ZBTB17: variants seen among roughly 807,000 people sequenced by gnomAD.
ZBTB17 encodes zinc finger and BTB domain containing 17.
In ZBTB17, 24 loss-of-function variants were observed where a neutral mutation model predicts 85.1. That is an observed-to-expected ratio of 0.28 (90% CI 0.20 to 0.40). The LOEUF is 0.40. Among genes scored for constraint, ZBTB17 ranks in the 10% least tolerant of loss-of-function variants. The pLI, the probability that ZBTB17 is intolerant of heterozygous loss-of-function variation, is 1.00. For synonymous variants in ZBTB17, 464 were observed against 460.2 expected (o/e 1.01, Z -0.11); for missense variants, 743 against 1,105.1 (o/e 0.67, Z 4.65).
chr1:15,945,262 G>A, intron 6 of ZBTB17, 60 bp from the exon 7 acceptor site: 1 of 1,529,984 alleles, frequency 6.5e-7, no homozygotes, highest in Non-Finnish European at 8.8e-7. Flanking sequence ...GCACGTGAGG[G>A]GCGCCGGCAA....
intron 2 of ZBTB17, among the ~76,000 whole-genome samples, chr1:15,950,558 C>A (rs1044232833): frequency 6.6e-6 from 1 of 152,210 alleles, no homozygotes; most frequent in African/African-American, 2.4e-5. Context: ...CCAGGGCCCA[C>A]ACAGGGCAAA....
chr1:15,950,789 G>A (rs1024470916), intron 2 of ZBTB17, among the ~76,000 whole-genome samples: 2 of 152,162 alleles, frequency 1.3e-5, no homozygotes, highest in Admixed American at 1.3e-4. Context: ...AGAGACATGT[G>A]AGGAGACTCC....
At chr1:15,956,221 C>G (rs761486682) in intron 2 of ZBTB17, among the ~76,000 whole-genome samples, 1 of 152,230 alleles carries the variant, frequency 6.6e-6, no homozygotes, top group Admixed American at 6.5e-5. Context: ...ACTGACACCA[C>G]CTTAAATGAC....
chr1:15,947,874 A>G (rs1180573108), intron 3 of ZBTB17, among the ~76,000 whole-genome samples: 5 of 152,144 alleles, frequency 3.3e-5, no homozygotes, highest in Non-Finnish European at 5.9e-5. Flanking sequence ...CACAACCCCA[A>G]GGTCTTCCTG....
In ZBTB17 at chr1:15,966,494, T is replaced by C. The variant is rs1270938028; in HGVS notation, c.-3+6545A>G. ...CTCTGTCCACACTGCTGTTTAGATA[T>C]GAGTGAACAACTCTCAGTTCTAACC... On this transcript the variant is annotated intron_variant, in intron 2 of 15. Transcript: ENST00000375743. The surrounding 1 kb of genome is among the most constrained non-coding windows in gnomAD (Gnocchi z 4.1). Among the ~76,000 whole-genome samples the C allele has an allele frequency of 6.6e-6, 1 of 152,182 alleles. No homozygotes were observed. The highest frequency in any genetic ancestry group is 1.5e-5 in the Non-Finnish European group (1 of 68,044).
chr1:15,956,837 G>A lies in ZBTB17; in HGVS notation c.-2-8340C>T, dbSNP rs2148788913. Among the ~76,000 whole-genome samples the A allele has an allele frequency of 1.3e-5, 2 of 152,334 alleles. 1 individual carries two copies. Among genetic ancestry groups the A allele is most frequent in the South Asian group, 4.1e-4 (2 of 4,834 alleles). On this transcript the variant is annotated intron_variant, in intron 2 of 15. Coordinates refer to ENST00000375743, the MANE Select transcript of ZBTB17 (RefSeq NM_003443.3). ...AATGGCAGCTACCAAGTGCTGTGGA[G>A]AAACTAAAGCAAGCTGAGCAGATCG...
Position 15,946,961 on chromosome 1 carries a change from C to T in ZBTB17, c.368G>A (p.Gly123Glu), listed in dbSNP as rs752674552. ...TTCTGTGGCCAAGGCCTCCGCATTT[C>T]CCCCAGGGCTGGTAGCCGGCTCAGC... ...SLAEPATSPG[G>E]NAEALATEGG... The change falls in exon 4 of 16, where the codon GGA becomes GAA. Residue 123 changes from glycine to glutamate, a missense_variant. Physicochemically the swap from Gly to Glu is moderately conservative, Grantham distance 98. Transcript: ENST00000375743. 5.0e-6 allele frequency: 8 copies of T among 1,612,370 alleles called. No individual in the cohort carries two copies. Among genetic ancestry groups the T allele is most frequent in the South Asian group, 3.3e-5 (3 of 91,050 alleles).
chr1:15,958,326 G>A (rs1404967010), intron 2 of ZBTB17, among the ~76,000 whole-genome samples: 5 of 151,692 alleles, frequency 3.3e-5, no homozygotes, highest in Admixed American at 1.3e-4. Flanking sequence ...GGGAGCACAG[G>A]GCCCCTGTCA....
At chr1:15,971,398 C>CTA (rs1199370291) in intron 2 of ZBTB17, among the ~76,000 whole-genome samples, 2 of 146,358 alleles carry the variant, frequency 1.4e-5, no homozygotes, top group Admixed American at 6.9e-5. Context: ...TATATACACA[C>CTA]TATATATATA....
At chr1:15,950,050 C>A (rs1379965677) in intron 2 of ZBTB17, among the ~76,000 whole-genome samples, 4 of 152,258 alleles carry the variant, frequency 2.6e-5, no homozygotes, top group African/African-American at 9.6e-5. Context: ...AATGACATTC[C>A]TAAATGGCTG....
chr1:15,967,463 G>A (rs1238605731), intron 2 of ZBTB17, among the ~76,000 whole-genome samples: 1 of 151,490 alleles, frequency 6.6e-6, no homozygotes, highest in African/African-American at 2.4e-5. Flanking sequence ...TGGATTGCTT[G>A]CGCCCAGGAG....
At position 15,966,822 on chromosome 1, in the gene ZBTB17, C is replaced by T. The variant is rs1467019151; in HGVS notation, c.-3+6217G>A. On this transcript the variant is annotated intron_variant, in intron 2 of 15. Transcript: ENST00000375743. This position sits in a 1 kb window ranked among gnomAD's most constrained non-coding sequence, Gnocchi z 4.1. ...CCACGGGAGGCTGAGGTGGGAGGAT[C>T]GCTTGAGCCCTGGAGGTCGAGGCTG... 2.6e-5 allele frequency among the ~76,000 whole-genome samples: 4 copies of T among 151,954 alleles called. No homozygotes were observed. Among genetic ancestry groups the T allele is most frequent in the African/African-American group, 9.7e-5 (4 of 41,366 alleles).
At chr1:15,967,444 T>A (rs1402962215) in intron 2 of ZBTB17, among the ~76,000 whole-genome samples, 1 of 141,000 alleles carries the variant, frequency 7.1e-6, no homozygotes, top group East Asian at 2.2e-4. Context: ...TTTGGAAGGC[T>A]GAGATAGATG....
chr1:15,944,731 G>A lies in ZBTB17; in HGVS notation c.1036C>T (p.Pro346Ser). ...TTCTCATGGGCCTTGCACGCGGCCG[G>A]GTCGGAAAAGGCCTTGCTGCACTCC... ...CRECSKAFSD[P>S]AACKAHEKTH... The change falls in exon 8 of 16, where the codon CCG becomes TCG. Residue 346 changes from proline to serine, a missense_variant. By Grantham distance (74) the Pro-to-Ser change is moderately conservative (BLOSUM62 -1). This residue lies in a region of ZBTB17 where 321 missense variants were observed against 615.7 expected (regional missense o/e 0.52). Transcript: ENST00000375743. The A allele has an allele frequency of 1.2e-6, 2 of 1,611,642 alleles. No individual in the cohort carries two copies. Among genetic ancestry groups the A allele is most frequent in the Non-Finnish European group, 1.7e-6 (2 of 1,179,888 alleles).
rs1557799815 is a variant in ZBTB17 at position 15,971,483 on chromosome 1, TACACACACTATATATATATACAC to T, written c.-3+1533_-3+1555del. Among the ~76,000 whole-genome samples, 138 of 85,902 alleles carry T rather than the reference TACACACACTATATATATATACAC, an allele frequency of 1.6e-3. 2 individuals are homozygous for T. The highest frequency in any genetic ancestry group is 6.8e-3 in the African/African-American group (131 of 19,348). The allele number at this position is 85,902 out of a possible 152,430, so 56.4% of individuals were successfully genotyped here. ...TATATATACACACACACTATATATATACACACACTATATATATATACACACACACTATATATATACACACACAC... is the reference window on the plus strand; with the variant it reads ...TATATATACACACACACTATATATATACACACTATATATATACACACACAC... On this transcript the variant is annotated intron_variant, in intron 2 of 15. Coordinates refer to ENST00000375743, the MANE Select transcript of ZBTB17 (RefSeq NM_003443.3).
chr1:15,945,341 G>C (rs2071553822), intron 6 of ZBTB17, 139 bp from the exon 7 acceptor site: 1 of 1,431,130 alleles, frequency 7.0e-7, no homozygotes, highest in Non-Finnish European at 9.2e-7. Flanking sequence ...CTGTGAACTG[G>C]GTATTTGCTG....
At chr1:15,962,982 G>A (rs1259869568) in intron 2 of ZBTB17, among the ~76,000 whole-genome samples, 2 of 152,126 alleles carry the variant, frequency 1.3e-5, no homozygotes, top group Non-Finnish European at 2.9e-5. Flanking sequence ...CAAATCCAAG[G>A]CTGGGCACAG....
chr1:15,946,798 G>C, intron 4 of ZBTB17, 137 bp downstream of exon 4: 1 of 1,146,566 alleles, frequency 8.7e-7, no homozygotes, highest in Non-Finnish European at 1.2e-6. Context: ...CCTCAGACCT[G>C]AGGCTAACCC....
At chr1:15,967,246 T>G (rs977274118) in intron 2 of ZBTB17, among the ~76,000 whole-genome samples, 4 of 149,198 alleles carry the variant, frequency 2.7e-5, no homozygotes, top group African/African-American at 9.9e-5. Context: ...TGTGGTGGTG[T>G]GTGCTAGTAG....
Sources: allele counts gnomAD v4.1 joint callset (sites outside exome capture counted in the v4.1 genomes callset), GRCh38; gene constraint gnomAD v4.1.1; regional missense constraint gnomAD v4.1.1; non-coding constraint Gnocchi (gnomAD v3.1); transcripts MANE v1.5; gene names NCBI Gene and HGNC (gene_info 2026-07-23, HGNC 2026-07-21).